Variants in ACAP2 observed in about 807,000 individuals in gnomAD.
The protein encoded by ACAP2 is ArfGAP with coiled-coil, ankyrin repeat and PH domains 2.
ACAP2 carries 39 observed loss-of-function variants against 115.8 expected under a neutral mutation model. The observed-to-expected ratio is 0.34, with a 90% CI of 0.26 to 0.44. The LOEUF (loss-of-function observed/expected upper bound fraction) is 0.44. ACAP2 is among the 20% of genes least tolerant of loss of function. ACAP2 has a pLI of 1.00. For synonymous variants in ACAP2, 289 were observed against 315.8 expected (o/e 0.92, Z 0.90); for missense variants, 662 against 927.6 (o/e 0.71, Z 3.72).
chr3:195,393,383 T>G (rs1014084697), intron 1 of ACAP2, among the ~76,000 whole-genome samples: 2 of 152,240 alleles, frequency 1.3e-5, no homozygotes, highest in Non-Finnish European at 2.9e-5. Flanking sequence ...TCTTATTGAC[T>G]TGTGATTCTG....
chr3:195,435,917 G>A (rs146400347), intron 1 of ACAP2, among the ~76,000 whole-genome samples: 3 of 152,026 alleles, frequency 2.0e-5, no homozygotes, highest in Admixed American at 2.0e-4. Context: ...TCATCTGCCT[G>A]GTTGTTCCAC....
chr3:195,425,686 C>CA (rs1479213867), intron 1 of ACAP2, among the ~76,000 whole-genome samples: 15 of 152,088 alleles, frequency 9.9e-5, no homozygotes, highest in African/African-American at 3.6e-4. Flanking sequence ...TAACTCTTGA[C>CA]TTTTTTCCAA....
chr3:195,275,144 C>T lies in ACAP2; in HGVS notation c.*4184G>A, dbSNP rs1431396160. The T allele has an allele frequency of 2.0e-5, 3 of 152,606 alleles. No individual in the cohort carries two copies. Among genetic ancestry groups the T allele is most frequent in the Admixed American group, 1.3e-4 (2 of 15,274 alleles). 9.5% of individuals were successfully genotyped at this position (152,606 alleles called of 1,614,324 possible). On this transcript the variant is annotated 3_prime_UTR_variant, in exon 23 of 23. Coordinates refer to ENST00000326793, the MANE Select transcript of ACAP2 (RefSeq NM_012287.6). ...CCAACAATCTTTATAATGTAGCAAGCTTTCCCTGTTTAATATCCAAAAAAT... is the reference window on the plus strand; with the variant it reads ...CCAACAATCTTTATAATGTAGCAAGTTTTCCCTGTTTAATATCCAAAAAAT...
chr3:195,335,932 C>T (rs1730476255), intron 7 of ACAP2: 1 of 126,564 alleles, frequency 7.9e-6, no homozygotes, highest in African/African-American at 3.0e-5. Flanking sequence ...CAGAGTTTCA[C>T]TCTTGTCACC....
intron 1 of ACAP2, among the ~76,000 whole-genome samples, chr3:195,424,588 C>T (rs1407873300): frequency 2.0e-5 from 3 of 151,446 alleles, no homozygotes; most frequent in Admixed American, 6.6e-5. Flanking sequence ...TGTGAGCCAC[C>T]GCGCCCGGCC....
intron 1 of ACAP2, among the ~76,000 whole-genome samples, chr3:195,429,775 A>G (rs1714968742): frequency 2.0e-5 from 3 of 152,174 alleles, no homozygotes. Context: ...CCATTGCCTA[A>G]TTCAAGGTCA....
chr3:195,312,410 A>G (rs1577281313), intron 10 of ACAP2, among the ~76,000 whole-genome samples: 1 of 152,298 alleles, frequency 6.6e-6, no homozygotes, highest in East Asian at 1.9e-4. Flanking sequence ...TTACTGCTCA[A>G]ATTTTTAAAA....
chr3:195,299,364 G>A (rs2108954791), intron 15 of ACAP2, among the ~76,000 whole-genome samples: 1 of 147,108 alleles, frequency 6.8e-6, no homozygotes, highest in East Asian at 2.1e-4. Flanking sequence ...GAGGCCAGGA[G>A]TTCAAGAACA....
At chr3:195,350,649 GA>G (rs201607071) in intron 4 of ACAP2, among the ~76,000 whole-genome samples, 3,601 of 131,688 alleles carry the variant, frequency 0.027, 136 homozygotes, top group African/African-American at 0.089. Context: ...ACTGTCTCAG[GA>G]AAAAAAAAAA....
chr3:195,296,578 T>A (rs1391127561), intron 16 of ACAP2, among the ~76,000 whole-genome samples: 1 of 152,184 alleles, frequency 6.6e-6, no homozygotes, highest in Admixed American at 6.5e-5. Context: ...CAATTGGTCA[T>A]ACATGAAGAC....
chr3:195,389,878 G>A (rs1234071899), intron 2 of ACAP2, among the ~76,000 whole-genome samples: 3 of 152,190 alleles, frequency 2.0e-5, no homozygotes, highest in Non-Finnish European at 2.9e-5. Flanking sequence ...GCAGTGATGC[G>A]CAAGAAGAGC....
chr3:195,396,793 GAA>G (rs62983860), intron 1 of ACAP2, among the ~76,000 whole-genome samples: 9 of 91,820 alleles, frequency 9.8e-5, no homozygotes, highest in African/African-American at 3.9e-4. Flanking sequence ...TCTCAAAAAA[GAA>G]AAAAAAAAAA....
intron 1 of ACAP2, among the ~76,000 whole-genome samples, chr3:195,430,317 A>C (rs1232823658): frequency 6.6e-6 from 1 of 152,228 alleles, no homozygotes; most frequent in Non-Finnish European, 1.5e-5. Context: ...TTCTGATGTG[A>C]TAATGGTGTG....
chr3:195,352,375 G>A (rs949979703), intron 4 of ACAP2, among the ~76,000 whole-genome samples: 50 of 152,238 alleles, frequency 3.3e-4, no homozygotes, highest in Admixed American at 3.1e-3. Flanking sequence ...TAAATGATGC[G>A]TGACTGTATT....
intron 2 of ACAP2, among the ~76,000 whole-genome samples, chr3:195,384,307 T>C (rs566157031): frequency 7.6e-4 from 115 of 152,180 alleles, no homozygotes; most frequent in Non-Finnish European, 1.0e-3. Flanking sequence ...GACAGCTCTA[T>C]AACAACAAAT....
chr3:195,401,510 C>A (rs912308626), intron 1 of ACAP2, among the ~76,000 whole-genome samples: 1 of 151,958 alleles, frequency 6.6e-6, no homozygotes, highest in Non-Finnish European at 1.5e-5. Context: ...ACTAAAAATA[C>A]AAAAAAATTA....
At chr3:195,341,459 G>A (rs928831157) in intron 6 of ACAP2, among the ~76,000 whole-genome samples, 1 of 151,702 alleles carries the variant, frequency 6.6e-6, no homozygotes, top group Non-Finnish European at 1.5e-5. Flanking sequence ...CGAGTAGCTG[G>A]GACTGCAGGC....
At chr3:195,321,870 C>T (rs56309159) in intron 9 of ACAP2, among the ~76,000 whole-genome samples, 3,493 of 152,234 alleles carry the variant, frequency 0.023, 135 homozygotes, top group African/African-American at 0.079. Flanking sequence ...GCCTCAGCCT[C>T]CCAAAGTGCA....
intron 9 of ACAP2, among the ~76,000 whole-genome samples, chr3:195,322,888 G>T (rs1438862439): frequency 6.6e-6 from 1 of 152,076 alleles, no homozygotes; most frequent in Non-Finnish European, 1.5e-5. Context: ...CTAATATTTT[G>T]TAGTACTTAA....
Sources: gnomAD v4.1 joint callset for allele counts (sites outside exome capture counted in the v4.1 genomes callset) on GRCh38, gnomAD v4.1.1 for gene constraint, MANE v1.5 for transcripts, NCBI Gene and HGNC (gene_info 2026-07-23, HGNC 2026-07-21) for gene names.